The following PKNOX2 variants were observed in gnomAD, a reference collection of about 807,000 sequenced individuals.
PKNOX2 encodes the protein homeobox protein PKNOX2.
Under a neutral mutation model 53.1 loss-of-function variants are expected in PKNOX2, and 14 were observed. The ratio of observed to expected loss-of-function variants is 0.26; its 90% CI spans 0.17 to 0.41. PKNOX2 has a LOEUF of 0.41. PKNOX2 is among the 10% of genes least tolerant of loss of function. The probability of loss-of-function intolerance (pLI) is 1.00; values close to 1 mark genes in which losing one functional copy is unlikely to be tolerated. For missense variants in PKNOX2, 496 were observed against 602.8 expected, an observed-to-expected ratio of 0.82 and a Z score of 1.85; for synonymous variants, 257 against 242.8, an observed-to-expected ratio of 1.06 and a Z score of -0.54.
At chr11:125,405,618 C>T (rs1955040674) in intron 7 of PKNOX2, among the ~76,000 whole-genome samples, 1 of 152,194 alleles carries the variant, frequency 6.6e-6, no homozygotes, top group Non-Finnish European at 1.5e-5. Context: ...CCCCTGGGGA[C>T]CACTGAGGTC....
chr11:125,302,487 C>A (rs1077952), intron 2 of PKNOX2, among the ~76,000 whole-genome samples: 27,099 of 152,204 alleles, frequency 0.18, 3,063 homozygotes, highest in East Asian at 0.32. Context: ...GCCCAGCTCA[C>A]CTGCTGCTGG....
chr11:125,210,040 C>T (rs1939637917), intron 1 of PKNOX2, among the ~76,000 whole-genome samples: 1 of 152,046 alleles, frequency 6.6e-6, no homozygotes, highest in African/African-American at 2.4e-5. Flanking sequence ...GGGACTGAGC[C>T]CTGGACAGGT....
At chr11:125,223,018 G>A (rs1465407493) in intron 1 of PKNOX2, among the ~76,000 whole-genome samples, 1 of 152,088 alleles carries the variant, frequency 6.6e-6, no homozygotes. Flanking sequence ...TCTCGTCTGG[G>A]ATTTTCTAGA....
intron 3 of PKNOX2, among the ~76,000 whole-genome samples, chr11:125,333,012 G>T (rs937074171): frequency 5.3e-5 from 8 of 152,128 alleles, no homozygotes; most frequent in Non-Finnish European, 8.8e-5. Context: ...TGAGGGCAAG[G>T]TATCTATGCA....
At chr11:125,371,456 G>T (rs2136292418) in intron 5 of PKNOX2, among the ~76,000 whole-genome samples, 1 of 152,184 alleles carries the variant, frequency 6.6e-6, no homozygotes. Context: ...CGATGTTAGG[G>T]GCTGCCTAAA....
At chr11:125,284,809 C>T (rs778655722) in intron 2 of PKNOX2, among the ~76,000 whole-genome samples, 2 of 152,068 alleles carry the variant, frequency 1.3e-5, no homozygotes, top group African/African-American at 4.8e-5. Flanking sequence ...GGTCATTGGG[C>T]CCCCCTGCTG....
At chr11:125,378,296 C>T (rs764650347) in intron 5 of PKNOX2, among the ~76,000 whole-genome samples, 1 of 152,224 alleles carries the variant, frequency 6.6e-6, no homozygotes, top group Non-Finnish European at 1.5e-5. Context: ...CTCACCCCAC[C>T]CCACCGGCCA....
intron 9 of PKNOX2, chr11:125,411,087 A>G (rs1315394340): frequency 3.8e-6 from 2 of 528,206 alleles, no homozygotes; most frequent in Non-Finnish European, 6.8e-6. Flanking sequence ...CTGGGGTTAC[A>G]TCAAAGGATC....
chr11:125,298,329 C>A (rs1449123074), intron 2 of PKNOX2, among the ~76,000 whole-genome samples: 1 of 152,166 alleles, frequency 6.6e-6, no homozygotes, highest in Non-Finnish European at 1.5e-5. Flanking sequence ...CTTGTGTATG[C>A]GTCACCAGGG....
intron 5 of PKNOX2, 125 bp downstream of exon 5, chr11:125,368,110 T>G (rs976610847): frequency 3.8e-5 from 46 of 1,211,286 alleles, no homozygotes; most frequent in Non-Finnish European, 5.1e-5. Flanking sequence ...CTATTCTCCC[T>G]TGGCCTCCTT....
intron 1 of PKNOX2, among the ~76,000 whole-genome samples, chr11:125,200,993 T>C (rs1468286021): frequency 6.6e-6 from 1 of 152,204 alleles, no homozygotes; most frequent in Non-Finnish European, 1.5e-5. Context: ...ATCGTGAGTC[T>C]CTGAAGTAGA....
intron 2 of PKNOX2, among the ~76,000 whole-genome samples, chr11:125,306,001 CT>C (rs1157879342): frequency 6.6e-6 from 1 of 151,416 alleles, no homozygotes; most frequent in Non-Finnish European, 1.5e-5. Context: ...TGTGTTTTTC[CT>C]TTTTTTTTCT....
chr11:125,187,297 T>C (rs893014950), intron 1 of PKNOX2, among the ~76,000 whole-genome samples: 2 of 152,202 alleles, frequency 1.3e-5, no homozygotes, highest in Non-Finnish European at 2.9e-5. Flanking sequence ...AGATTGTTTG[T>C]TAGATGTATT....
chr11:125,411,357 T>C, intron 9 of PKNOX2: 1 of 365,994 alleles, frequency 2.7e-6, no homozygotes, highest in Non-Finnish European at 5.3e-6. Flanking sequence ...AGGAAAGTGC[T>C]TTGCAAACTG....
At chr11:125,261,485 C>A (rs1205815740) in intron 2 of PKNOX2, among the ~76,000 whole-genome samples, 1 of 152,184 alleles carries the variant, frequency 6.6e-6, no homozygotes, top group African/African-American at 2.4e-5. Context: ...GTAGATCAGC[C>A]TTGTCTTCCT....
Position 125,351,542 on chromosome 11 carries a change from G to A in PKNOX2, c.87+150G>A, listed in dbSNP as rs1459608162. On this transcript the variant is annotated intron_variant, in intron 4 of 12. Coordinates refer to ENST00000298282, the MANE Select transcript of PKNOX2 (RefSeq NM_001382323.2). ...CTGGTGGCACTCCGGGCTCTTTCCC[G>A]TCAGCCTGGGGAGCGAGAGCCCTGC... 14 of 622,356 alleles carry A rather than the reference G, an allele frequency of 2.2e-5. No individual in the cohort carries two copies. In the East Asian group the frequency reaches 3.6e-4, roughly 16 times the overall value. 38.6% of individuals were successfully genotyped at this position (622,356 alleles called of 1,614,324 possible). A position where few individuals can be genotyped will look rare whatever the true frequency, so the allele number is the denominator to read the frequency against.
At chr11:125,430,843 A>C (rs1956667604) in intron 12 of PKNOX2, among the ~76,000 whole-genome samples, 1 of 152,202 alleles carries the variant, frequency 6.6e-6, no homozygotes, top group Admixed American at 6.5e-5. Context: ...TCTTGAGCTA[A>C]TGACTTAACT....
At chr11:125,183,198 CTTTT>C (rs10676031) in intron 1 of PKNOX2, among the ~76,000 whole-genome samples, 16 of 85,832 alleles carry the variant, frequency 1.9e-4, no homozygotes, top group African/African-American at 9.6e-4. Flanking sequence ...GCGATGAATC[CTTTT>C]TTTTTTTTTT....
chr11:125,260,456 C>G (rs1449715983), intron 2 of PKNOX2, among the ~76,000 whole-genome samples: 2 of 151,922 alleles, frequency 1.3e-5, no homozygotes, highest in East Asian at 3.9e-4. Flanking sequence ...CTCGGCCTCC[C>G]AAAGTGCTGG....
Sources: gnomAD v4.1 joint callset for allele counts (sites outside exome capture counted in the v4.1 genomes callset) on GRCh38, gnomAD v4.1.1 for gene constraint, MANE v1.5 for transcripts, NCBI Gene and HGNC (gene_info 2026-07-23, HGNC 2026-07-21) for gene names.